The following ARHGAP22 variants were observed in gnomAD, a reference collection of about 807,000 sequenced individuals.
ARHGAP22 encodes rho GTPase-activating protein 22.
Under a neutral mutation model 59.1 loss-of-function variants are expected in ARHGAP22, and 48 were observed. That is an observed-to-expected ratio of 0.81 (90% CI 0.64 to 1.03). The LOEUF is 1.03. Ranked by LOEUF, ARHGAP22 falls within the 50% of genes least tolerant of loss-of-function variation. The pLI, the probability that ARHGAP22 is intolerant of heterozygous loss-of-function variation, is 0.00. For missense variants in ARHGAP22, 1,015 were observed against 958.7 expected (o/e 1.06, Z -0.78); for synonymous variants, 445 against 416.4 (o/e 1.07, Z -0.84).
chr10:48,451,192 G>A (rs1336322096), intron 8 of ARHGAP22, 52 bp from the exon 9 acceptor site: 12 of 1,548,912 alleles, frequency 7.7e-6, no homozygotes, highest in Non-Finnish European at 1.0e-5. Flanking sequence ...CTCGGCCCAG[G>A]CTCGCTCTGC....
At chr10:48,495,351 C>T (rs1333310073) in intron 3 of ARHGAP22, among the ~76,000 whole-genome samples, 1 of 152,202 alleles carries the variant, frequency 6.6e-6, no homozygotes, top group Admixed American at 6.5e-5. Context: ...TCCTCACAAC[C>T]ACCTGATATG....
chr10:48,617,924 G>A (rs988046668), intron 1 of ARHGAP22, among the ~76,000 whole-genome samples: 2 of 151,508 alleles, frequency 1.3e-5, no homozygotes, highest in Non-Finnish European at 3.0e-5. Flanking sequence ...TAAACAAAAT[G>A]GACAAACCAT....
intron 3 of ARHGAP22, among the ~76,000 whole-genome samples, chr10:48,529,443 A>C (rs557591985): frequency 7.9e-4 from 121 of 152,262 alleles, no homozygotes; most frequent in African/African-American, 2.7e-3. Context: ...GTCCTAAGAA[A>C]ACTTGGCAGC....
At chr10:48,568,468 C>A (rs1343954455) in intron 2 of ARHGAP22, among the ~76,000 whole-genome samples, 3 of 152,244 alleles carry the variant, frequency 2.0e-5, no homozygotes, top group African/African-American at 7.2e-5. Flanking sequence ...CTCAGATGAG[C>A]TGAATCCCTC....
chr10:48,435,558 G>C, the ARHGAP22 span: 1 of 152,214 alleles, frequency 6.6e-6, no homozygotes, highest in Non-Finnish European at 1.5e-5. Context: ...AATAACTACT[G>C]TAAATGATGA....
intron 2 of ARHGAP22, among the ~76,000 whole-genome samples, chr10:48,565,100 G>A (rs979331358): frequency 1.8e-4 from 28 of 152,284 alleles, no homozygotes; most frequent in Non-Finnish European, 1.3e-4. Context: ...TAATAAATCC[G>A]AGATCCTGTA....
intron 3 of ARHGAP22, among the ~76,000 whole-genome samples, chr10:48,549,617 T>C (rs1469955251): frequency 6.6e-6 from 1 of 152,170 alleles, no homozygotes; most frequent in Non-Finnish European, 1.5e-5. Flanking sequence ...GCAAGTGGCC[T>C]AGGGATTAAA....
intron 3 of ARHGAP22, among the ~76,000 whole-genome samples, chr10:48,481,096 G>A (rs79398311): frequency 3.9e-5 from 6 of 152,246 alleles, no homozygotes; most frequent in Admixed American, 1.3e-4. Context: ...AGCCCTGCTC[G>A]CCGGGGCTCA....
At chr10:48,555,771 T>C (rs2057266796) in intron 2 of ARHGAP22, among the ~76,000 whole-genome samples, 1 of 152,106 alleles carries the variant, frequency 6.6e-6, no homozygotes, top group Admixed American at 6.5e-5. Flanking sequence ...TCTGCATACA[T>C]GATTGGAGGA....
chr10:48,525,571 TCAAAA>T (rs2054252423), intron 3 of ARHGAP22, among the ~76,000 whole-genome samples: 1 of 152,188 alleles, frequency 6.6e-6, no homozygotes, highest in African/African-American at 2.4e-5. Context: ...AGATTCTGTC[TCAAAA>T]CAAACAAACA....
chr10:48,518,719 A>C (rs2053533285), intron 3 of ARHGAP22, among the ~76,000 whole-genome samples: 1 of 152,250 alleles, frequency 6.6e-6, no homozygotes, highest in African/African-American at 2.4e-5. Flanking sequence ...GGTGACCTGC[A>C]CAGGCCACAC....
chr10:48,497,584 G>A (rs2051068237), intron 3 of ARHGAP22, among the ~76,000 whole-genome samples: 1 of 152,182 alleles, frequency 6.6e-6, no homozygotes, highest in African/African-American at 2.4e-5. Context: ...TGCAGTACAA[G>A]CTGAGCAGTC....
At chr10:48,531,933 G>A (rs1049960159) in intron 3 of ARHGAP22, among the ~76,000 whole-genome samples, 9 of 152,162 alleles carry the variant, frequency 5.9e-5, no homozygotes, top group African/African-American at 1.4e-4. Flanking sequence ...TTGAGACCGC[G>A]GGTTATTGCT....
chr10:48,558,455 C>G (rs532685113), intron 2 of ARHGAP22, among the ~76,000 whole-genome samples: 12 of 151,928 alleles, frequency 7.9e-5, no homozygotes, highest in Non-Finnish European at 4.4e-5. Context: ...CTCTACCTAC[C>G]GGGCTCCAGT....
the ARHGAP22 span, chr10:48,435,115 T>C: frequency 1.4e-5 from 14 of 1,030,170 alleles, no homozygotes; most frequent in African/African-American, 4.9e-5. Flanking sequence ...GTGGTCTTAT[T>C]TTTGGGTGAT....
intron 3 of ARHGAP22, among the ~76,000 whole-genome samples, chr10:48,551,803 A>G (rs1210768164): frequency 6.6e-6 from 1 of 152,222 alleles, no homozygotes; most frequent in Non-Finnish European, 1.5e-5. Flanking sequence ...CCAGAGGTGT[A>G]TGCTGTATCA....
At chr10:48,649,232 C>A (rs1259580870) in intron 1 of ARHGAP22, among the ~76,000 whole-genome samples, 1 of 152,202 alleles carries the variant, frequency 6.6e-6, no homozygotes, top group African/African-American at 2.4e-5. Flanking sequence ...GTCCCCTATT[C>A]TCTCAGGACA....
intron 1 of ARHGAP22, among the ~76,000 whole-genome samples, chr10:48,584,799 C>CT (rs1159643936): frequency 2.0e-5 from 3 of 152,148 alleles, no homozygotes; most frequent in African/African-American, 7.2e-5. Context: ...TTGAGACCGT[C>CT]TTGGCTAACA....
At chr10:48,528,840 C>T (rs774416107) in intron 3 of ARHGAP22, among the ~76,000 whole-genome samples, 3 of 152,080 alleles carry the variant, frequency 2.0e-5, no homozygotes, top group Non-Finnish European at 4.4e-5. Context: ...CTGTTACTTT[C>T]TTGCCATGGG....
Sources: allele counts gnomAD v4.1 joint callset (sites outside exome capture counted in the v4.1 genomes callset), GRCh38; gene constraint gnomAD v4.1.1; transcripts MANE v1.5; gene names NCBI Gene and HGNC (gene_info 2026-07-23, HGNC 2026-07-21).